The following DLG2 variants were observed in gnomAD, a reference collection of about 807,000 sequenced individuals.
DLG2 encodes discs large MAGUK scaffold protein 2.
A neutral mutation model predicts 132.5 loss-of-function variants in DLG2; 45 were observed. The ratio of observed to expected loss-of-function variants is 0.34; its 90% CI spans 0.27 to 0.44. The LOEUF is 0.44. DLG2 is among the 20% of genes least tolerant of loss of function. The probability of loss-of-function intolerance (pLI) is 1.00; values close to 1 mark genes in which losing one functional copy is unlikely to be tolerated. For missense variants in DLG2, 1,045 were observed against 1,196.9 expected (o/e 0.87, Z 1.87); for synonymous variants, 424 against 419.6 (o/e 1.01, Z -0.13).
intron 15 of DLG2, among the ~76,000 whole-genome samples, chr11:83,906,705 C>A (rs1211349670): frequency 6.6e-6 from 1 of 152,018 alleles, no homozygotes; most frequent in Non-Finnish European, 1.5e-5. Flanking sequence ...TGAATCTCAT[C>A]GAGGTTAAGA....
intron 18 of DLG2, among the ~76,000 whole-genome samples, chr11:83,675,658 A>G (rs527346484): frequency 1.2e-4 from 18 of 152,322 alleles, no homozygotes; most frequent in African/African-American, 4.1e-4. Flanking sequence ...TTTTTCAACA[A>G]CAAATTTTTG....
chr11:83,514,129 A>C (rs1183088444), intron 21 of DLG2, among the ~76,000 whole-genome samples: 2 of 152,096 alleles, frequency 1.3e-5, no homozygotes, highest in East Asian at 1.9e-4. Context: ...CAGTATGGCC[A>C]TTTTCATGAT....
intron 6 of DLG2, among the ~76,000 whole-genome samples, chr11:84,940,375 ACTC>A: frequency 6.6e-6 from 1 of 151,582 alleles, no homozygotes; most frequent in Middle Eastern, 3.4e-3. Context: ...CTAGTCTTGA[ACTC>A]CTGACCTCAG....
In DLG2 at chr11:84,210,053, C is replaced by T. The variant is rs144643601; in HGVS notation, c.573+41185G>A. On this transcript the variant is annotated intron_variant, in intron 8 of 27. Coordinates refer to ENST00000376104, the MANE Select transcript of DLG2 (RefSeq NM_001142699.3). ...ATCCCAGCACTTTGGGAGGCAGAGG[C>T]GGGAAGAACATCTGAGGTCAGGAGT... 1.9e-3 allele frequency among the ~76,000 whole-genome samples: 296 copies of T among 152,008 alleles called. 2 individuals are homozygous for T. The highest frequency in any genetic ancestry group is 7.0e-3 in the African/African-American group (289 of 41,490).
Position 83,814,154 on chromosome 11 carries a change from A to C in DLG2, c.1722+19460T>G, listed in dbSNP as rs141809029. Among the ~76,000 whole-genome samples the C allele has an allele frequency of 1.1e-3, 164 of 152,286 alleles. 2 individuals carry two copies. Among genetic ancestry groups the C allele is most frequent in the African/African-American group, 3.7e-3 (153 of 41,572 alleles). ...TTTCTATAAAACAATAAACACCTAG[A>C]TCATACATTCTTTTGGACCAAATGG... On this transcript the variant is annotated intron_variant, in intron 17 of 27. Transcript: ENST00000376104.
chr11:85,214,191 C>T (rs1312757744), intron 4 of DLG2, among the ~76,000 whole-genome samples: 1 of 152,056 alleles, frequency 6.6e-6, no homozygotes, highest in Non-Finnish European at 1.5e-5. Flanking sequence ...TACGGTCTAC[C>T]CTCTCCTTTC....
intron 3 of DLG2, chr11:85,286,002 A>C (rs2078530166): frequency 2.9e-6 from 1 of 349,468 alleles, no homozygotes; most frequent in Admixed American, 4.4e-5. Context: ...AGAGGATCCC[A>C]AGATGAAATG....
rs560036860 is a variant in DLG2 at position 84,721,775 on chromosome 11, T to C, written c.358-187044A>G. ...CTGGCTCTGGTGCTAGATGTGGCTT[T>C]GTGTAAGTCATTTACATTATCCAAA... On this transcript the variant is annotated intron_variant, in intron 6 of 27. Transcript: ENST00000376104. Among the ~76,000 whole-genome samples, 6 of 152,284 alleles carry C rather than the reference T, an allele frequency of 3.9e-5. No homozygotes were observed. The South Asian group carries it at 1.0e-3, about 26-fold the overall frequency.
intron 5 of DLG2, among the ~76,000 whole-genome samples, chr11:85,134,276 G>A (rs1456966921): frequency 1.4e-5 from 2 of 146,496 alleles, no homozygotes; most frequent in African/African-American, 5.1e-5. Flanking sequence ...TTCATAAAAA[G>A]TATACTTTCT....
chr11:84,272,954 G>A (rs1359172352), intron 7 of DLG2, among the ~76,000 whole-genome samples: 1 of 152,024 alleles, frequency 6.6e-6, no homozygotes, highest in Non-Finnish European at 1.5e-5. Context: ...CTTTCTCACC[G>A]ATTAATGCTT....
rs571969428 is a variant in DLG2, at chr11:84,181,102, T to C, written c.574-17591A>G. 7.0e-4 allele frequency among the ~76,000 whole-genome samples: 107 copies of C among 152,008 alleles called. 1 individual carries two copies. The highest frequency in any genetic ancestry group is 2.4e-3 in the African/African-American group (101 of 41,548). On this transcript the variant is annotated intron_variant, in intron 8 of 27. Coordinates refer to ENST00000376104, the MANE Select transcript of DLG2 (RefSeq NM_001142699.3). ...ATAATGCATATGATTATATATGTGC[T>C]TATATATACACACATATGTATGATC...
At chr11:83,575,344 G>A (rs2144236133) in intron 19 of DLG2, among the ~76,000 whole-genome samples, 1 of 152,256 alleles carries the variant, frequency 6.6e-6, no homozygotes, top group East Asian at 1.9e-4. Context: ...CATCAAGCAG[G>A]GACAAAGAAC....
intron 7 of DLG2, among the ~76,000 whole-genome samples, chr11:84,397,618 G>A (rs73523716): frequency 1.3e-3 from 204 of 152,304 alleles, no homozygotes; most frequent in Non-Finnish European, 2.1e-3. Flanking sequence ...AGGAGCAGAG[G>A]TTTCTGCATG....
intron 3 of DLG2, among the ~76,000 whole-genome samples, chr11:85,477,867 T>C (rs1193166228): frequency 6.6e-6 from 1 of 152,226 alleles, no homozygotes; most frequent in Non-Finnish European, 1.5e-5. Flanking sequence ...TCATAGCGTT[T>C]CTTTTGTTCT....
chr11:84,963,662 A>C (rs1348555984), intron 6 of DLG2, among the ~76,000 whole-genome samples: 1 of 152,200 alleles, frequency 6.6e-6, no homozygotes, highest in Non-Finnish European at 1.5e-5. Flanking sequence ...CAGATGATTC[A>C]TATGAAGGCA....
intron 15 of DLG2, among the ~76,000 whole-genome samples, chr11:83,897,926 G>A (rs563043902): frequency 6.6e-6 from 1 of 152,150 alleles, no homozygotes; most frequent in East Asian, 1.9e-4. Flanking sequence ...CCCATTTTGC[G>A]ATGAAGAAAC....
chr11:85,616,922 T>G (rs1034624255), intron 2 of DLG2, among the ~76,000 whole-genome samples: 15 of 152,278 alleles, frequency 9.9e-5, no homozygotes, highest in African/African-American at 3.6e-4. Context: ...GAAAGAGCTA[T>G]CTAGACACAA....
intron 6 of DLG2, among the ~76,000 whole-genome samples, chr11:84,774,438 A>T (rs1417120302): frequency 2.6e-5 from 4 of 152,178 alleles, no homozygotes; most frequent in Non-Finnish European, 5.9e-5. Context: ...AATTAAAAAA[A>T]GACTATTCTA....
At chr11:85,583,106 G>A (rs1281068721) in intron 3 of DLG2, among the ~76,000 whole-genome samples, 15 of 47,066 alleles carry the variant, frequency 3.2e-4, no homozygotes, top group African/African-American at 1.0e-3. Context: ...GTGTGTGTGT[G>A]TGTGTGTGTG....
Sources: allele counts gnomAD v4.1 joint callset (sites outside exome capture counted in the v4.1 genomes callset), GRCh38; gene constraint gnomAD v4.1.1; transcripts MANE v1.5; gene names NCBI Gene and HGNC (gene_info 2026-07-23, HGNC 2026-07-21).